PCDHGA9: variants seen among roughly 807,000 people sequenced by gnomAD.
The protein encoded by PCDHGA9 is protocadherin gamma-A9.
Under a neutral mutation model 62.5 loss-of-function variants are expected in PCDHGA9, and 37 were observed. That is an observed-to-expected ratio of 0.59 (90% CI 0.46 to 0.78). The LOEUF (loss-of-function observed/expected upper bound fraction) is 0.78, where lower values mean the gene tolerates loss of function less well. PCDHGA9 is among the 30% of genes least tolerant of loss of function. PCDHGA9 has a pLI of 0.00. For synonymous variants in PCDHGA9, 459 were observed against 484.6 expected, an observed-to-expected ratio of 0.95 and a Z score of 0.69; for missense variants, 1,138 against 1,166.2, an observed-to-expected ratio of 0.98 and a Z score of 0.35.
At chr5:141,510,695 C>T (rs1023505006) in intron 3 of PCDHGA9, among the ~76,000 whole-genome samples, 1 of 152,166 alleles carries the variant, frequency 6.6e-6, no homozygotes, top group Non-Finnish European at 1.5e-5. Context: ...GTTAGGTAGA[C>T]TTGCCCAGGA....
intron 1 of PCDHGA9, chr5:141,413,532 A>C (rs1269070438): frequency 9.9e-6 from 16 of 1,613,788 alleles, no homozygotes; most frequent in Non-Finnish European, 1.2e-5. Context: ...ACAGGGTGAA[A>C]CTTTTTGGGA....
rs772328241 is a variant in PCDHGA9 at position 141,491,340 on chromosome 5, C to A, written c.2425-3467C>A. On this transcript the variant is annotated intron_variant, in intron 1 of 3. Coordinates refer to ENST00000573521, the MANE Select transcript of PCDHGA9 (RefSeq NM_018921.3). The surrounding 1 kb of genome is among the most constrained non-coding windows in gnomAD (Gnocchi z 6.9). ...TTTACCTCATTGTGGCTCTAGCGACCGTCAGTCTCTTATCCCTAGTCACCT... is the reference window on the plus strand; with the variant it reads ...TTTACCTCATTGTGGCTCTAGCGACAGTCAGTCTCTTATCCCTAGTCACCT... 4.3e-6 allele frequency: 7 copies of A among 1,614,146 alleles called. No homozygotes were observed. Among genetic ancestry groups the A allele is most frequent in the Non-Finnish European group, 5.9e-6 (7 of 1,180,014 alleles).
rs147783721 is a variant in PCDHGA9 at position 141,404,989 on chromosome 5, G to A, written c.2037G>A (p.Gln679=). 5 of 1,614,046 alleles carry A rather than the reference G, an allele frequency of 3.1e-6. No homozygotes were observed. The South Asian group carries it at 4.4e-5, about 14-fold the overall frequency. Residue 679 remains glutamine (Q), a synonymous_variant, in exon 1 of 4, where the codon CAG becomes CAA. Coordinates refer to ENST00000573521, the MANE Select transcript of PCDHGA9 (RefSeq NM_018921.3). The stretch of plus-strand genomic sequence containing the variant: ...TCCTGGCTGACCTGGGCAGTCTTCA[G>A]ATCCCTGCAGACCTGGAGGCCTCAG... ...PDILADLGSL[Q]IPADLEASDL...
In PCDHGA9 at chr5:141,402,895, A is replaced by G; in HGVS notation, c.-58A>G. ...CATACTTTGCAGGGTGGAAGAAAGA[A>G]CCTGATGAAGCAGCGCGCACAGAGA... On this transcript the variant is annotated 5_prime_UTR_variant, in exon 1 of 4. Transcript: ENST00000573521. 6.6e-7 allele frequency: 1 copy of G among 1,505,744 alleles called. No individual in the cohort carries two copies. Among genetic ancestry groups the G allele is most frequent in the South Asian group, 1.4e-5 (1 of 73,332 alleles). 93.3% of individuals were successfully genotyped at this position (1,505,744 alleles called of 1,614,324 possible).
Position 141,432,388 on chromosome 5 carries a change from C to T in PCDHGA9, c.2424+27012C>T. The T allele has an allele frequency of 6.2e-7, 1 of 1,614,258 alleles. No homozygotes were observed. The highest frequency in any genetic ancestry group is 2.2e-5 in the East Asian group (1 of 44,892). The stretch of plus-strand genomic sequence containing the variant: ...GGGACAACGGGCACCCGCCCCTCAG[C>T]AGCAACGTGTCGTTGAGCCTGTTCG... On this transcript the variant is annotated intron_variant, in intron 1 of 3. Transcript: ENST00000573521. This position sits in a 1 kb window ranked among gnomAD's most constrained non-coding sequence, Gnocchi z 6.0.
At chr5:141,419,656 G>A (rs1374057056) in intron 1 of PCDHGA9, 15 of 1,612,528 alleles carry the variant, frequency 9.3e-6, no homozygotes, top group Non-Finnish European at 8.5e-6. Context: ...CGGACTCGGG[G>A]CACAATGCCT....
Position 141,431,585 on chromosome 5 carries a change from G to A in PCDHGA9, c.2424+26209G>A. 6.2e-7 allele frequency: 1 copy of A among 1,614,204 alleles called. No individual in the cohort carries two copies. The highest frequency in any genetic ancestry group is 1.6e-4 in the Middle Eastern group (1 of 6,062). On this transcript the variant is annotated intron_variant, in intron 1 of 3. Transcript: ENST00000573521. This position sits in a 1 kb window ranked among gnomAD's most constrained non-coding sequence, Gnocchi z 4.8. ...CGACCCTGACGAAGGAGTCAATGCG[G>A]AAGTGAGGTATTCCTTCCGGTATGT...
Position 141,432,694 on chromosome 5 carries a change from C to A in PCDHGA9, c.2424+27318C>A. 1 of 1,613,936 alleles carries A rather than the reference C, an allele frequency of 6.2e-7. No homozygotes were observed. The highest frequency in any genetic ancestry group is 8.5e-7 in the Non-Finnish European group (1 of 1,179,964). On this transcript the variant is annotated intron_variant, in intron 1 of 3. Transcript: ENST00000573521. This position sits in a 1 kb window ranked among gnomAD's most constrained non-coding sequence, Gnocchi z 6.0. Reference sequence around the variant, plus strand: ...CGCTCAAGCAGAGCCTCGTAGTGGCCGTCCAGGACCACGGCCAGCCCCCTC... The same window carrying A: ...CGCTCAAGCAGAGCCTCGTAGTGGCAGTCCAGGACCACGGCCAGCCCCCTC...
rs1391608601 is a variant in PCDHGA9 at position 141,511,893 on chromosome 5, A to G, written c.*720A>G. The G allele has an allele frequency of 6.4e-6, 1 of 155,062 alleles. No homozygotes were observed. Among genetic ancestry groups the G allele is most frequent in the East Asian group, 1.9e-4 (1 of 5,240 alleles). 9.6% of individuals were successfully genotyped at this position (155,062 alleles called of 1,614,324 possible). A position where few individuals can be genotyped will look rare whatever the true frequency, so the allele number is the denominator to read the frequency against. On this transcript the variant is annotated 3_prime_UTR_variant, in exon 4 of 4. Transcript: ENST00000573521. ...TCCACTGCATGCCTTGACTTCCCCC[A>G]CCTCCTCCTCAAACAAGAGACTCCA...
chr5:141,422,344 C>G, intron 1 of PCDHGA9: 1 of 1,550,890 alleles, frequency 6.4e-7, no homozygotes, highest in Non-Finnish European at 8.7e-7. Flanking sequence ...TCTAAATGTG[C>G]AAGATCAAGA....
intron 1 of PCDHGA9, chr5:141,411,948 G>A (rs2095525022): frequency 1.3e-5 from 2 of 152,152 alleles, no homozygotes. Flanking sequence ...GAAGATTTTT[G>A]AAGAAAAAAG....
At chr5:141,475,448 G>A (rs774710049) in intron 1 of PCDHGA9, among the ~76,000 whole-genome samples, 1 of 152,214 alleles carries the variant, frequency 6.6e-6, no homozygotes, top group Non-Finnish European at 1.5e-5. Flanking sequence ...CAGATAATGA[G>A]GAAGTGACAG....
At chr5:141,417,503 TAA>T in intron 1 of PCDHGA9, 1 of 229,962 alleles carries the variant, frequency 4.3e-6, no homozygotes, top group East Asian at 9.7e-5. Flanking sequence ...GGAAAAAGAT[TAA>T]AATATTTTGG....
Position 141,491,215 on chromosome 5 carries a change from A to G in PCDHGA9, c.2425-3592A>G, listed in dbSNP as rs546893944. 2.5e-6 allele frequency: 4 copies of G among 1,614,196 alleles called. No individual in the cohort carries two copies. Among genetic ancestry groups the G allele is most frequent in the Non-Finnish European group, 3.4e-6 (4 of 1,180,036 alleles). On this transcript the variant is annotated intron_variant, in intron 1 of 3. Coordinates refer to ENST00000573521, the MANE Select transcript of PCDHGA9 (RefSeq NM_018921.3). This position sits in a 1 kb window ranked among gnomAD's most constrained non-coding sequence, Gnocchi z 6.9. ...CAATGGTGACCCTTCACTCTCCTCC[A>G]CAGCCACAGTGCTGCTGGTTCTGGA...
At position 141,476,602 on chromosome 5, in the gene PCDHGA9, C is replaced by T; in HGVS notation, c.2425-18205C>T. 6.2e-7 allele frequency: 1 copy of T among 1,614,208 alleles called. No homozygotes were observed. Among genetic ancestry groups the T allele is most frequent in the Middle Eastern group, 1.6e-4 (1 of 6,062 alleles). Reference sequence around the variant, plus strand: ...TTCCGCTCGAGAGCGCGCACGATCCCGATGTGGGAAGCAACTCTTTACAAA... The same window carrying T: ...TTCCGCTCGAGAGCGCGCACGATCCTGATGTGGGAAGCAACTCTTTACAAA... On this transcript the variant is annotated intron_variant, in intron 1 of 3. Coordinates refer to ENST00000573521, the MANE Select transcript of PCDHGA9 (RefSeq NM_018921.3). The surrounding 1 kb of genome is among the most constrained non-coding windows in gnomAD (Gnocchi z 7.6).
At chr5:141,473,750 G>A (rs777343462) in intron 1 of PCDHGA9, among the ~76,000 whole-genome samples, 3 of 152,192 alleles carry the variant, frequency 2.0e-5, no homozygotes, top group Non-Finnish European at 4.4e-5. Context: ...TGAGAACTTG[G>A]ATACTATGCA....
chr5:141,483,007 C>G (rs938404755), intron 1 of PCDHGA9, among the ~76,000 whole-genome samples: 1 of 152,140 alleles, frequency 6.6e-6, no homozygotes, highest in South Asian at 2.1e-4. Flanking sequence ...ATTGCTTGAA[C>G]CCGGGAGGCA....
intron 1 of PCDHGA9, chr5:141,428,149 G>A (rs1048150182): frequency 8.8e-6 from 14 of 1,586,676 alleles, no homozygotes; most frequent in African/African-American, 1.3e-5. Flanking sequence ...CTGCACACGG[G>A]AACCTGCTGG....
intron 1 of PCDHGA9, among the ~76,000 whole-genome samples, chr5:141,445,834 T>G (rs1310067225): frequency 6.6e-6 from 1 of 152,218 alleles, no homozygotes; most frequent in Middle Eastern, 3.2e-3. Context: ...GGGAGAGCCT[T>G]GTAAATCACA....
Sources: gnomAD v4.1 joint callset for allele counts (sites outside exome capture counted in the v4.1 genomes callset) on GRCh38, gnomAD v4.1.1 for gene constraint, Gnocchi (gnomAD v3.1) non-coding constraint, MANE v1.5 for transcripts, NCBI Gene and HGNC (gene_info 2026-07-23, HGNC 2026-07-21) for gene names.